The following BMPR1B variants were observed in gnomAD, a reference collection of about 807,000 sequenced individuals.
BMPR1B encodes bone morphogenetic protein receptor type-1B.
A neutral mutation model predicts 59.1 loss-of-function variants in BMPR1B; 12 were observed. That is an observed-to-expected ratio of 0.20 (90% CI 0.13 to 0.33). The LOEUF is 0.33. Ranked by LOEUF, BMPR1B falls within the 10% of genes least tolerant of loss-of-function variation. BMPR1B has a pLI of 1.00. For synonymous variants in BMPR1B, 237 were observed against 207.3 expected (o/e 1.14, Z -1.23); for missense variants, 550 against 610.9 (o/e 0.90, Z 1.05).
intron 1 of BMPR1B, among the ~76,000 whole-genome samples, chr4:94,834,274 T>C (rs1204582597): frequency 1.3e-5 from 2 of 152,170 alleles, no homozygotes; most frequent in African/African-American, 2.4e-5. Context: ...CCAAGGCTTC[T>C]GCAAGAGCTT....
intron 10 of BMPR1B, among the ~76,000 whole-genome samples, chr4:95,147,577 A>C (rs895768537): frequency 6.6e-6 from 1 of 152,228 alleles, no homozygotes; most frequent in African/African-American, 2.4e-5. Context: ...AAGCAAAAAA[A>C]AAAATTGTTG....
rs6532508 is a variant in BMPR1B at position 94,773,686 on chromosome 4, A to G, written c.-183+15618A>G. On this transcript the variant is annotated intron_variant, in intron 1 of 12. Transcript: ENST00000515059. ...ATGGCTAATTTTACCAGAGATAAAA[A>G]ATACGCAGAGGTTGCCAGCAACATG... Among the ~76,000 whole-genome samples the G allele has an allele frequency of 2.0e-4, 31 of 152,242 alleles. 1 individual carries two copies. Among genetic ancestry groups the G allele is most frequent in the African/African-American group, 6.3e-4 (26 of 41,574 alleles).
chr4:95,115,853 G>T, intron 6 of BMPR1B, 66 bp downstream of exon 6: 1 of 1,414,460 alleles, frequency 7.1e-7, no homozygotes, highest in East Asian at 2.3e-5. Flanking sequence ...CTAAAAACTA[G>T]AATCGTTCTC....
At chr4:95,115,150 T>A (rs780538374) in intron 5 of BMPR1B, among the ~76,000 whole-genome samples, 2 of 152,142 alleles carry the variant, frequency 1.3e-5, no homozygotes, top group Non-Finnish European at 1.5e-5. Flanking sequence ...TTTTGGCCTA[T>A]GTGTGTAGTA....
intron 2 of BMPR1B, among the ~76,000 whole-genome samples, chr4:94,986,696 GTTTGT>G (rs962561121): frequency 7.4e-4 from 112 of 152,132 alleles, no homozygotes; most frequent in African/African-American, 2.4e-3. Context: ...ACAAAGATTA[GTTTGT>G]TTTATTTCTT....
At chr4:94,842,182 A>C (rs1310282075) in intron 1 of BMPR1B, among the ~76,000 whole-genome samples, 2 of 152,222 alleles carry the variant, frequency 1.3e-5, no homozygotes, top group Admixed American at 1.3e-4. Context: ...TATATTTCCT[A>C]ATATACTTTA....
At chr4:94,887,145 T>G (rs986166694) in intron 2 of BMPR1B, among the ~76,000 whole-genome samples, 3 of 151,634 alleles carry the variant, frequency 2.0e-5, no homozygotes, top group African/African-American at 7.3e-5. Context: ...AACCACAAAC[T>G]TGGAGGACTC....
chr4:94,844,337 G>C (rs1725232932), intron 1 of BMPR1B, among the ~76,000 whole-genome samples: 1 of 151,758 alleles, frequency 6.6e-6, no homozygotes, highest in South Asian at 2.1e-4. Context: ...ACAAGAAACA[G>C]AAACTAATCT....
chr4:95,140,782 C>T (rs894257313), intron 10 of BMPR1B, among the ~76,000 whole-genome samples: 2 of 152,046 alleles, frequency 1.3e-5, no homozygotes, highest in Admixed American at 1.3e-4. Flanking sequence ...TGTTGTGAAT[C>T]AATAAATGTA....
At chr4:94,825,887 A>G (rs1724364052) in intron 1 of BMPR1B, among the ~76,000 whole-genome samples, 1 of 152,200 alleles carries the variant, frequency 6.6e-6, no homozygotes, top group East Asian at 1.9e-4. Context: ...TAAAAATACC[A>G]CAACAAAGGA....
At chr4:95,025,899 ATTGCT>A (rs1724320490) in intron 3 of BMPR1B, among the ~76,000 whole-genome samples, 1 of 152,214 alleles carries the variant, frequency 6.6e-6, no homozygotes, top group South Asian at 2.1e-4. Context: ...TCTTAATAGC[ATTGCT>A]TTAAGACAGC....
At chr4:94,830,783 G>A (rs1299371689) in intron 1 of BMPR1B, among the ~76,000 whole-genome samples, 1 of 152,154 alleles carries the variant, frequency 6.6e-6, no homozygotes, top group Non-Finnish European at 1.5e-5. Context: ...GCTGCCTAGT[G>A]ACACTGTAGC....
intron 2 of BMPR1B, among the ~76,000 whole-genome samples, chr4:94,989,404 C>A (rs72671255): frequency 0.099 from 12,932 of 131,234 alleles, 935 homozygotes; most frequent in East Asian, 0.43. Flanking sequence ...AAAAAAAAAA[C>A]AAAAAAAATC....
At chr4:94,997,239 A>G (rs145659564) in intron 3 of BMPR1B, among the ~76,000 whole-genome samples, 129 of 152,344 alleles carry the variant, frequency 8.5e-4, no homozygotes, top group African/African-American at 3.0e-3. Context: ...GGTTTTCTGT[A>G]CTACATATTT....
intron 3 of BMPR1B, among the ~76,000 whole-genome samples, chr4:95,009,202 C>T (rs1723058678): frequency 6.6e-6 from 1 of 152,214 alleles, no homozygotes; most frequent in Admixed American, 6.6e-5. Flanking sequence ...CAAATTGGTA[C>T]AGCTGTATTG....
intron 2 of BMPR1B, among the ~76,000 whole-genome samples, chr4:94,876,357 A>T (rs1726730703): frequency 6.6e-6 from 1 of 152,198 alleles, no homozygotes; most frequent in East Asian, 1.9e-4. Flanking sequence ...TAGAGGGCAA[A>T]TGTGAAACAG....
At chr4:94,940,146 T>C (rs761677982) in intron 2 of BMPR1B, among the ~76,000 whole-genome samples, 7 of 152,182 alleles carry the variant, frequency 4.6e-5, no homozygotes, top group Non-Finnish European at 5.9e-5. Flanking sequence ...TTTGGGTGTG[T>C]TAATCATTTC....
chr4:95,057,286 C>A (rs576972233), intron 3 of BMPR1B, among the ~76,000 whole-genome samples: 122 of 152,044 alleles, frequency 8.0e-4, no homozygotes, highest in Non-Finnish European at 1.4e-3. Flanking sequence ...CACTCTGTCA[C>A]CAGGCTGGAG....
intron 1 of BMPR1B, among the ~76,000 whole-genome samples, chr4:94,841,744 AGACCG>A (rs1459434280): frequency 6.6e-6 from 1 of 152,198 alleles, no homozygotes; most frequent in Admixed American, 6.5e-5. Context: ...TGGGAGCTGT[AGACCG>A]GAGCTGTTCC....
Sources: gnomAD v4.1 joint callset for allele counts (sites outside exome capture counted in the v4.1 genomes callset) on GRCh38, gnomAD v4.1.1 for gene constraint, MANE v1.5 for transcripts, NCBI Gene and HGNC (gene_info 2026-07-23, HGNC 2026-07-21) for gene names.